The following CTNNBIP1 variants were observed in gnomAD, a reference collection of about 807,000 sequenced individuals.
The protein encoded by CTNNBIP1 is catenin beta interacting protein 1.
Under a neutral mutation model 11.8 loss-of-function variants are expected in CTNNBIP1, and 7 were observed. The ratio of observed to expected loss-of-function variants is 0.60; its 90% CI spans 0.34 to 1.12. CTNNBIP1 has a LOEUF of 1.12. Ranked by LOEUF, CTNNBIP1 falls within the 50% of genes most tolerant of loss-of-function variation. The probability of loss-of-function intolerance (pLI) is 0.03; values close to 1 mark genes in which losing one functional copy is unlikely to be tolerated. For missense variants in CTNNBIP1, 101 were observed against 113.4 expected (o/e 0.89, Z 0.50); for synonymous variants, 58 against 43.9 (o/e 1.32, Z -1.26).
chr1:9,907,306 G>A (rs2582981), intron 1 of CTNNBIP1, among the ~76,000 whole-genome samples: 22,836 of 152,194 alleles, frequency 0.15, 1,822 homozygotes, highest in South Asian at 0.21. Flanking sequence ...GAGTAGCTGG[G>A]ATTACAGGCA....
chr1:9,900,623 C>T (rs1639504100), intron 1 of CTNNBIP1, among the ~76,000 whole-genome samples: 1 of 152,200 alleles, frequency 6.6e-6, no homozygotes, highest in African/African-American at 2.4e-5. Flanking sequence ...CAGCAGCAGA[C>T]CTCAGGAGGG....
intron 1 of CTNNBIP1, among the ~76,000 whole-genome samples, chr1:9,899,394 T>C (rs1639475388): frequency 7.0e-6 from 1 of 142,924 alleles, no homozygotes; most frequent in Non-Finnish European, 1.5e-5. Context: ...AGGCACAGGC[T>C]GCAGTGAGCC....
chr1:9,882,210 G>C (rs1639097275), intron 2 of CTNNBIP1, among the ~76,000 whole-genome samples: 1 of 152,216 alleles, frequency 6.6e-6, no homozygotes, highest in African/African-American at 2.4e-5. Flanking sequence ...CTGGTAGAGA[G>C]AAAGGGGAAG....
intron 1 of CTNNBIP1, among the ~76,000 whole-genome samples, chr1:9,905,769 T>C (rs1639608065): frequency 6.6e-6 from 1 of 152,164 alleles, no homozygotes; most frequent in Non-Finnish European, 1.5e-5. Flanking sequence ...TTTATTTGTT[T>C]ACTATCTGTC....
intron 3 of CTNNBIP1, among the ~76,000 whole-genome samples, chr1:9,874,163 A>G (rs1638918636): frequency 6.6e-6 from 1 of 152,096 alleles, no homozygotes. Context: ...CCGTTCTAGA[A>G]CATGCGGAGA....
At chr1:9,866,601 A>G (rs973061549) in intron 5 of CTNNBIP1, among the ~76,000 whole-genome samples, 1 of 151,442 alleles carries the variant, frequency 6.6e-6, no homozygotes, top group Admixed American at 6.6e-5. Flanking sequence ...AATTGCTTGA[A>G]CTGGGAAGGT....
In CTNNBIP1 at chr1:9,872,220, G is replaced by A. The variant is rs974797893; in HGVS notation, c.-24-132C>T. ...CACAGTCTCCCTTCTGGGAGCATGG[G>A]GCAGGTGGCGAGGTGCTGGGTTCCT... is the stretch of plus-strand genomic sequence containing the variant. On this transcript the variant is annotated intron_variant, in intron 3 of 5. Coordinates refer to ENST00000377263, the MANE Select transcript of CTNNBIP1 (RefSeq NM_020248.3). This position sits in a 1 kb window ranked among gnomAD's most constrained non-coding sequence, Gnocchi z 4.0. 3.1e-6 allele frequency: 2 copies of A among 647,536 alleles called. No homozygotes were observed. The highest frequency in any genetic ancestry group is 5.5e-6 in the Non-Finnish European group (2 of 360,696). The allele number at this position is 647,536 out of a possible 1,614,324, so 40.1% of individuals were successfully genotyped here. A position where few individuals can be genotyped will look rare whatever the true frequency, so the allele number is the denominator to read the frequency against.
rs1639132925 is a variant in CTNNBIP1 at position 9,883,933 on chromosome 1, A to G, written c.-143-195T>C. 6.6e-6 allele frequency among the ~76,000 whole-genome samples: 1 copy of G among 152,134 alleles called. No homozygotes were observed. The highest frequency in any genetic ancestry group is 2.4e-5 in the African/African-American group (1 of 41,438). On this transcript the variant is annotated intron_variant, in intron 1 of 5. Transcript: ENST00000377263. This position sits in a 1 kb window ranked among gnomAD's most constrained non-coding sequence, Gnocchi z 5.6. ...TCACCACCCAAACAGTCAAGGAGGA[A>G]GAAGGTGGGGGAACGGGAGTCTGAA...
At position 9,872,057 on chromosome 1, in the gene CTNNBIP1, C is replaced by T. The variant is rs150360638; in HGVS notation, c.8G>A (p.Arg3His). MN[R>H]EGAPGKSPEE... ...CGGACTCTTCCCGGGAGCTCCCTCG[C>T]GGTTCATCCCCCTGCCTGGCTCTGG... is the stretch of plus-strand genomic sequence containing the variant. Residue 3 changes from arginine to histidine, a missense_variant, in exon 4 of 6, where the codon CGC becomes CAC. Arg to His is a conservative substitution (Grantham distance 29). Coordinates refer to ENST00000377263, the MANE Select transcript of CTNNBIP1 (RefSeq NM_020248.3). This position sits in a 1 kb window ranked among gnomAD's most constrained non-coding sequence, Gnocchi z 4.0. 9 of 1,613,892 alleles carry T rather than the reference C, an allele frequency of 5.6e-6. No homozygotes were observed. The highest frequency in any genetic ancestry group is 2.2e-5 in the East Asian group (1 of 44,892).
At chr1:9,903,049 G>A (rs1639553996) in intron 1 of CTNNBIP1, among the ~76,000 whole-genome samples, 2 of 152,194 alleles carry the variant, frequency 1.3e-5, no homozygotes, top group African/African-American at 4.8e-5. Flanking sequence ...ACAGGCGTGA[G>A]CCACCACGCC....
intron 1 of CTNNBIP1, among the ~76,000 whole-genome samples, chr1:9,891,346 T>C (rs1223705668): frequency 6.6e-6 from 1 of 152,140 alleles, no homozygotes; most frequent in Non-Finnish European, 1.5e-5. Context: ...TCTCTCCAGC[T>C]CTTCTCCCCT....
intron 1 of CTNNBIP1, among the ~76,000 whole-genome samples, chr1:9,884,787 A>T (rs187003860): frequency 7.5e-4 from 114 of 152,232 alleles, no homozygotes; most frequent in African/African-American, 2.6e-3. Flanking sequence ...GAGTGGGAAC[A>T]GGAGTGTGAG....
chr1:9,902,388 T>C (rs898559976), intron 1 of CTNNBIP1, among the ~76,000 whole-genome samples: 1 of 152,238 alleles, frequency 6.6e-6, no homozygotes, highest in Non-Finnish European at 1.5e-5. Context: ...CATTTCTCCC[T>C]GACTGAAACT....
At chr1:9,897,630 C>T (rs906210534) in intron 1 of CTNNBIP1, among the ~76,000 whole-genome samples, 3 of 150,462 alleles carry the variant, frequency 2.0e-5, no homozygotes, top group African/African-American at 4.9e-5. Flanking sequence ...CCAGCCTGGG[C>T]GACAGAGCAA....
chr1:9,856,041 G>A (rs958688955), intron 5 of CTNNBIP1, among the ~76,000 whole-genome samples: 4 of 152,052 alleles, frequency 2.6e-5, no homozygotes, highest in African/African-American at 4.8e-5. Flanking sequence ...CCAGCTACTC[G>A]GGAAGCTGAG....
At chr1:9,884,307 G>T (rs1008639601) in intron 1 of CTNNBIP1, among the ~76,000 whole-genome samples, 33 of 152,160 alleles carry the variant, frequency 2.2e-4, no homozygotes, top group African/African-American at 7.2e-4. Context: ...TTCACCAGGG[G>T]CCATGGCAGC....
At chr1:9,859,414 G>A (rs975433312) in intron 5 of CTNNBIP1, among the ~76,000 whole-genome samples, 5 of 152,168 alleles carry the variant, frequency 3.3e-5, no homozygotes, top group Admixed American at 1.3e-4. Flanking sequence ...GAGAGACAAT[G>A]GGAGCTCAGG....
At chr1:9,873,801 C>T (rs753026873) in intron 3 of CTNNBIP1, among the ~76,000 whole-genome samples, 70 of 152,198 alleles carry the variant, frequency 4.6e-4, no homozygotes, top group Non-Finnish European at 5.3e-4. Flanking sequence ...GTGGCGCGAT[C>T]ATAGCTCACT....
At chr1:9,897,437 G>A (rs1007841994) in intron 1 of CTNNBIP1, among the ~76,000 whole-genome samples, 1 of 151,890 alleles carries the variant, frequency 6.6e-6, no homozygotes, top group Non-Finnish European at 1.5e-5. Context: ...CTGGGCCACA[G>A]AGCGAGACTC....
Sources: allele counts gnomAD v4.1 joint callset (sites outside exome capture counted in the v4.1 genomes callset), GRCh38; gene constraint gnomAD v4.1.1; non-coding constraint Gnocchi (gnomAD v3.1); transcripts MANE v1.5; gene names NCBI Gene and HGNC (gene_info 2026-07-23, HGNC 2026-07-21).